The following SAMD3 variants were observed in gnomAD, a reference collection of about 807,000 sequenced individuals.
SAMD3 encodes sterile alpha motif domain-containing protein 3.
Under a neutral mutation model 58.5 loss-of-function variants are expected in SAMD3, and 63 were observed. That is an observed-to-expected ratio of 1.08 (90% CI 0.88 to 1.33). The LOEUF is 1.33. Among genes scored for constraint, SAMD3 ranks in the 40% most tolerant of loss-of-function variants. SAMD3 has a pLI of 0.00. For missense variants in SAMD3, 604 were observed against 608.4 expected (o/e 0.99, Z 0.08); for synonymous variants, 220 against 210.3 (o/e 1.05, Z -0.40).
chr6:130,192,544 A>G (rs1012393110), intron 5 of SAMD3, among the ~76,000 whole-genome samples: 15 of 151,752 alleles, frequency 9.9e-5, no homozygotes, highest in Admixed American at 9.8e-4. Context: ...CCACCAGAGA[A>G]CAACCCCCCT....
intron 5 of SAMD3, among the ~76,000 whole-genome samples, chr6:130,195,724 T>C (rs886291609): frequency 6.6e-6 from 1 of 152,196 alleles, no homozygotes; most frequent in African/African-American, 2.4e-5. Flanking sequence ...ACATCCCTCA[T>C]TACTTCAGTC....
intron 1 of SAMD3, among the ~76,000 whole-genome samples, chr6:130,316,282 C>T (rs1318449319): frequency 9.1e-6 from 1 of 110,472 alleles, no homozygotes; most frequent in Non-Finnish European, 1.7e-5. Context: ...CAGAGCAAGG[C>T]TGTCTTAAAA....
chr6:130,330,907 A>C (rs1776912942), intron 1 of SAMD3, among the ~76,000 whole-genome samples: 1 of 152,230 alleles, frequency 6.6e-6, no homozygotes, highest in African/African-American at 2.4e-5. Context: ...TAAGAATCTG[A>C]AAATCAGATT....
chr6:130,247,384 T>G (rs951956029), intron 2 of SAMD3, among the ~76,000 whole-genome samples: 1 of 151,794 alleles, frequency 6.6e-6, no homozygotes, highest in Non-Finnish European at 1.5e-5. Context: ...GGAGAATCAC[T>G]TAAACCTGGA....
intron 2 of SAMD3, among the ~76,000 whole-genome samples, chr6:130,298,881 C>T (rs950151201): frequency 3.9e-5 from 6 of 152,074 alleles, no homozygotes; most frequent in African/African-American, 1.4e-4. Context: ...AGAAAAGAGA[C>T]AGAAGGGCAT....
At chr6:130,250,268 A>C (rs948228724) in intron 2 of SAMD3, among the ~76,000 whole-genome samples, 1 of 152,160 alleles carries the variant, frequency 6.6e-6, no homozygotes, top group Non-Finnish European at 1.5e-5. Context: ...CATCTTCCAA[A>C]GCTTTCCCCC....
intron 8 of SAMD3, among the ~76,000 whole-genome samples, chr6:130,168,455 AC>A (rs1288177726): frequency 6.6e-6 from 1 of 152,112 alleles, no homozygotes; most frequent in Non-Finnish European, 1.5e-5. Context: ...AAACAAACAA[AC>A]AAAAAATCCA....
intron 1 of SAMD3, among the ~76,000 whole-genome samples, chr6:130,351,288 C>A (rs1777654641): frequency 6.6e-6 from 1 of 152,112 alleles, no homozygotes; most frequent in Non-Finnish European, 1.5e-5. Flanking sequence ...AGTGAACAGG[C>A]AACCTACAGA....
intron 7 of SAMD3, chr6:130,183,631 T>G (rs1301012324): frequency 9.2e-6 from 3 of 324,934 alleles, no homozygotes; most frequent in Admixed American, 4.5e-5. Flanking sequence ...TTAGCAACTT[T>G]ATATGCTTGT....
At chr6:130,147,533 A>G (rs902706204) in intron 9 of SAMD3, among the ~76,000 whole-genome samples, 2 of 152,234 alleles carry the variant, frequency 1.3e-5, no homozygotes, top group Admixed American at 1.3e-4. Context: ...TTAAAGTTGC[A>G]GAAATAGTAA....
Position 130,296,996 on chromosome 6 carries a change from G to A in SAMD3, c.-188+15982C>T, listed in dbSNP as rs552885537. On this transcript the variant is annotated intron_variant, in intron 2 of 13. Coordinates refer to the SAMD3 transcript ENST00000368134. ...TCTCTTCCTACCACCCATCCTTCAG[G>A]GCAGGTGCTTCCACTCATCATCAGT... Among the ~76,000 whole-genome samples, 4 of 152,128 alleles carry A rather than the reference G, an allele frequency of 2.6e-5. No individual in the cohort carries two copies. In the East Asian group the frequency reaches 7.7e-4, roughly 29 times the overall value.
chr6:130,295,670 A>G lies in SAMD3; in HGVS notation c.-188+17308T>C, dbSNP rs543446964. Among the ~76,000 whole-genome samples, 8 of 152,310 alleles carry G rather than the reference A, an allele frequency of 5.3e-5. No homozygotes were observed. The South Asian group carries it at 1.7e-3, about 32-fold the overall frequency. ...GGAATGGGATTATCATAATTGGCCC[A>G]TATTAATCAGTGATCCTTGTCCCCC... On this transcript the variant is annotated intron_variant, in intron 2 of 13. Transcript: ENST00000368134.
intron 7 of SAMD3, among the ~76,000 whole-genome samples, chr6:130,182,620 AAAG>A (rs1179581299): frequency 2.0e-5 from 3 of 149,830 alleles, no homozygotes; most frequent in Non-Finnish European, 4.5e-5. Context: ...AGGAGGGAAG[AAAG>A]AAGGAGGGAG....
At chr6:130,274,946 C>A (rs908643834) in intron 2 of SAMD3, among the ~76,000 whole-genome samples, 1 of 151,904 alleles carries the variant, frequency 6.6e-6, no homozygotes, top group African/African-American at 2.4e-5. Flanking sequence ...CAGGTTAGTC[C>A]TTTTTTTGGA....
At chr6:130,346,655 C>T (rs899354529) in intron 1 of SAMD3, among the ~76,000 whole-genome samples, 5 of 152,202 alleles carry the variant, frequency 3.3e-5, no homozygotes, top group Admixed American at 1.3e-4. Context: ...CTCTGGGGGC[C>T]GGGCATAGCC....
chr6:130,265,823 C>T (rs1774326769), intron 2 of SAMD3, among the ~76,000 whole-genome samples: 1 of 152,044 alleles, frequency 6.6e-6, no homozygotes, highest in African/African-American at 2.4e-5. Context: ...CCTGTGCTGT[C>T]ATTAATAGTA....
chr6:130,184,230 C>T, intron 6 of SAMD3, 43 bp from the exon 7 acceptor site: 2 of 1,447,850 alleles, frequency 1.4e-6, no homozygotes, highest in Non-Finnish European at 1.9e-6. Context: ...TTCAAGCAAA[C>T]CACATTCCTT....
At chr6:130,172,334 T>C (rs1791326522) in intron 8 of SAMD3, among the ~76,000 whole-genome samples, 1 of 152,252 alleles carries the variant, frequency 6.6e-6, no homozygotes, top group Non-Finnish European at 1.5e-5. Context: ...GTTTTTGCAG[T>C]GGCTGGTACC....
At chr6:130,180,691 T>C (rs1024002043) in intron 7 of SAMD3, among the ~76,000 whole-genome samples, 2 of 152,084 alleles carry the variant, frequency 1.3e-5, no homozygotes, top group Admixed American at 6.6e-5. Flanking sequence ...GTGCTTACTT[T>C]AGTGATGTTT....
Sources: allele counts gnomAD v4.1 joint callset (sites outside exome capture counted in the v4.1 genomes callset), GRCh38; gene constraint gnomAD v4.1.1; transcripts MANE v1.5; gene names NCBI Gene and HGNC (gene_info 2026-07-23, HGNC 2026-07-21).